Variants in ZC3H8 observed in about 807,000 individuals in gnomAD.
ZC3H8 encodes zinc finger CCCH domain-containing protein 8.
ZC3H8 carries 27 observed loss-of-function variants against 42.5 expected under a neutral mutation model. The observed-to-expected ratio is 0.64, with a 90% CI of 0.47 to 0.88. The LOEUF (loss-of-function observed/expected upper bound fraction) is 0.88. Ranked by LOEUF, ZC3H8 falls within the 40% of genes least tolerant of loss-of-function variation. The pLI is 0.00. For missense variants in ZC3H8, 277 were observed against 336.1 expected (o/e 0.82, Z 1.37); for synonymous variants, 101 against 110.1 (o/e 0.92, Z 0.52).
In ZC3H8 at chr2:112,238,445, A is replaced by T; in HGVS notation, c.240T>A (p.Asp80Glu). Residue 80 changes from aspartate to glutamate, a missense_variant, in exon 3 of 9, where the codon GAT (aspartate) becomes GAA (glutamate). Physicochemically the swap from Asp to Glu is conservative, Grantham distance 45 (BLOSUM62 2). Transcript: ENST00000409573. ...SKDYDVYSDN[D>E]ICSQESEDNF... ...TATCTTCTGATTCCTGACTGCAGAT[A>T]TCATTATCACTATATACATCATAGT... is the stretch of plus-strand genomic sequence containing the variant. The T allele has an allele frequency of 6.2e-7, 1 of 1,613,556 alleles. No homozygotes were observed.
chr2:112,233,983 T>C (rs1685207966), intron 5 of ZC3H8, 137 bp downstream of exon 5: 7 of 552,090 alleles, frequency 1.3e-5, no homozygotes, highest in Non-Finnish European at 2.1e-5. Context: ...CATAAAAGAA[T>C]ACTTCACTAA....
chr2:112,222,213 GA>G (rs1684619008), intron 8 of ZC3H8, among the ~76,000 whole-genome samples: 1 of 152,142 alleles, frequency 6.6e-6, no homozygotes, highest in Admixed American at 6.5e-5. Flanking sequence ...CCTCAGACAG[GA>G]ACCTCAGTTG....
intron 2 of ZC3H8, among the ~76,000 whole-genome samples, chr2:112,239,554 T>G (rs1685492528): frequency 6.6e-6 from 1 of 150,710 alleles, no homozygotes; most frequent in Admixed American, 6.6e-5. Context: ...ATAAAATATA[T>G]TAGGTGGCCC....
rs527624923 is a variant in ZC3H8 at position 112,218,734 on chromosome 2, G to GCTTCC, written c.*16-2271_*16-2267dup. Among the ~76,000 whole-genome samples, 49 of 152,222 alleles carry GCTTCC rather than the reference G, an allele frequency of 3.2e-4. No homozygotes were observed. In the East Asian group the frequency reaches 4.1e-3, roughly 13 times the overall value. Reference sequence around the variant, plus strand: ...ATCGACTGTTTATGTTCTTGGTAAGGCTTCCCATCAACAGTAGGCTATTAT... The same window carrying GCTTCC: ...ATCGACTGTTTATGTTCTTGGTAAGGCTTCCCTTCCCATCAACAGTAGGCTATTAT... On this transcript the variant is annotated intron_variant, in intron 8 of 8. Coordinates refer to ENST00000409573, the MANE Select transcript of ZC3H8 (RefSeq NM_032494.3).
At chr2:112,254,271 G>T (rs1370863322) in intron 1 of ZC3H8, among the ~76,000 whole-genome samples, 3 of 152,146 alleles carry the variant, frequency 2.0e-5, no homozygotes, top group Non-Finnish European at 4.4e-5. Flanking sequence ...ACTAGACACT[G>T]CTCCAAAAAT....
intron 4 of ZC3H8, among the ~76,000 whole-genome samples, chr2:112,234,988 A>G (rs902988244): frequency 1.3e-5 from 2 of 152,136 alleles, no homozygotes; most frequent in Admixed American, 6.5e-5. Context: ...GCTCAAATTA[A>G]CACACGCAAC....
intron 4 of ZC3H8, among the ~76,000 whole-genome samples, chr2:112,236,298 G>C (rs1685330971): frequency 6.6e-6 from 1 of 152,122 alleles, no homozygotes; most frequent in African/African-American, 2.4e-5. Flanking sequence ...CAAGGAGCTT[G>C]TGTGCATATA....
At chr2:112,252,544 C>G (rs1685986808) in intron 1 of ZC3H8, among the ~76,000 whole-genome samples, 1 of 152,206 alleles carries the variant, frequency 6.6e-6, no homozygotes, top group East Asian at 1.9e-4. Context: ...GGTCTCTTGT[C>G]TCATTCAGAG....
chr2:112,230,969 CACAT>C lies in ZC3H8; in HGVS notation c.844-23_844-20del, dbSNP rs768707790. ...CCAAAACCTAATATAAAAAAAAAAT[CACAT>C]AATCATTTTTATGCATTCATGTGTA... On this transcript the variant is annotated intron_variant, in intron 7 of 8. Coordinates refer to ENST00000409573, the MANE Select transcript of ZC3H8 (RefSeq NM_032494.3). 3.1e-5 allele frequency: 37 copies of C among 1,208,626 alleles called. No individual in the cohort carries two copies. The highest frequency in any genetic ancestry group is 3.7e-5 in the Non-Finnish European group (34 of 916,692). The allele number at this position is 1,208,626 out of a possible 1,614,324, so 74.9% of individuals were successfully genotyped here. A position where few individuals can be genotyped will look rare whatever the true frequency, so the allele number is the denominator to read the frequency against.
Position 112,225,938 on chromosome 2 carries a change from C to A in ZC3H8, c.*15+4965G>T, listed in dbSNP as rs893035870. The stretch of plus-strand genomic sequence containing the variant: ...CTCTACTAAAAATACAAAAATTAGC[C>A]GGGTGTGGTGGCGCACACCTGTAAT... On this transcript the variant is annotated intron_variant, in intron 8 of 8. Transcript: ENST00000409573. Among the ~76,000 whole-genome samples the A allele has an allele frequency of 3.3e-5, 5 of 151,888 alleles. No individual in the cohort carries two copies. The East Asian group carries it at 9.7e-4, about 30-fold the overall frequency.
intron 8 of ZC3H8, among the ~76,000 whole-genome samples, chr2:112,217,471 TTA>T (rs1684375386): frequency 6.6e-6 from 1 of 152,248 alleles, no homozygotes; most frequent in Non-Finnish European, 1.5e-5. Context: ...AATGAACTTT[TTA>T]TACTGTTACA....
At chr2:112,253,294 T>C (rs1401538401) in intron 1 of ZC3H8, among the ~76,000 whole-genome samples, 1 of 152,190 alleles carries the variant, frequency 6.6e-6, no homozygotes, top group Non-Finnish European at 1.5e-5. Context: ...GTAAATTCAT[T>C]AGTACAGAAA....
At chr2:112,254,161 C>G in intron 1 of ZC3H8, 1 of 984,956 alleles carries the variant, frequency 1.0e-6, no homozygotes, top group South Asian at 4.7e-5. Context: ...TGACCAATAT[C>G]GAATGGTAAA....
At chr2:112,219,818 T>G (rs929876386) in intron 8 of ZC3H8, among the ~76,000 whole-genome samples, 2 of 152,164 alleles carry the variant, frequency 1.3e-5, no homozygotes, top group African/African-American at 4.8e-5. Context: ...GTCCCAAACA[T>G]CTTTGTTACT....
At chr2:112,221,410 T>C (rs1410515861) in intron 8 of ZC3H8, among the ~76,000 whole-genome samples, 1 of 152,200 alleles carries the variant, frequency 6.6e-6, no homozygotes, top group Non-Finnish European at 1.5e-5. Context: ...CTGCCATGTC[T>C]GTAAGTAAGT....
intron 4 of ZC3H8, among the ~76,000 whole-genome samples, chr2:112,234,858 T>C (rs1685251291): frequency 6.6e-6 from 1 of 151,300 alleles, no homozygotes; most frequent in African/African-American, 2.4e-5. Flanking sequence ...AAAACCGAAG[T>C]CTAAGAACGA....
intron 2 of ZC3H8, among the ~76,000 whole-genome samples, chr2:112,248,838 T>G (rs1370973032): frequency 6.6e-6 from 1 of 151,982 alleles, no homozygotes; most frequent in African/African-American, 2.4e-5. Context: ...TCATTGCAAG[T>G]GTAATTAATT....
At chr2:112,243,366 C>T (rs1412016046) in intron 2 of ZC3H8, among the ~76,000 whole-genome samples, 1 of 152,144 alleles carries the variant, frequency 6.6e-6, no homozygotes, top group African/African-American at 2.4e-5. Context: ...GAACAAAGTT[C>T]CATAAATGTC....
At position 112,234,252 on chromosome 2, in the gene ZC3H8, CA is replaced by C. The variant is rs757140747; in HGVS notation, c.505-17del. 13 of 1,522,430 alleles carry C rather than the reference CA, an allele frequency of 8.5e-6. No individual in the cohort carries two copies. The South Asian group carries it at 1.2e-4, about 14-fold the overall frequency. The allele number at this position is 1,522,430 out of a possible 1,614,324, so 94.3% of individuals were successfully genotyped here. ...GTTTACCATCCTTTAAAAACAAAAA[CA>C]AAAAAACTAAATGTAAGAAACAGAA... On this transcript the variant is annotated splice_polypyrimidine_tract_variant and intron_variant, in intron 4 of 8. Coordinates refer to ENST00000409573, the MANE Select transcript of ZC3H8 (RefSeq NM_032494.3).
Sources: allele counts gnomAD v4.1 joint callset (sites outside exome capture counted in the v4.1 genomes callset), GRCh38; gene constraint gnomAD v4.1.1; transcripts MANE v1.5; gene names NCBI Gene and HGNC (gene_info 2026-07-23, HGNC 2026-07-21).